The following PSMA3 variants were observed in gnomAD, a reference collection of about 807,000 sequenced individuals.
The protein encoded by PSMA3 is proteasome subunit alpha type-3.
PSMA3 carries 8 observed loss-of-function variants against 40.0 expected under a neutral mutation model. That is an observed-to-expected ratio of 0.20 (90% CI 0.12 to 0.36). The LOEUF (loss-of-function observed/expected upper bound fraction) is 0.36, where lower values mean the gene tolerates loss of function less well. PSMA3 is among the 10% of genes least tolerant of loss of function. PSMA3 has a pLI of 1.00. For missense variants in PSMA3, 219 were observed against 310.6 expected, an observed-to-expected ratio of 0.70 and a Z score of 2.22; for synonymous variants, 110 against 100.0, an observed-to-expected ratio of 1.10 and a Z score of -0.59.
chr14:58,264,205 C>G (rs1890367516), intron 7 of PSMA3, among the ~76,000 whole-genome samples: 1 of 152,138 alleles, frequency 6.6e-6, no homozygotes, highest in South Asian at 2.1e-4. Flanking sequence ...ATTTATGAAT[C>G]TCTGTGAGCT....
chr14:58,271,152 T>C (rs1258958973), intron 10 of PSMA3, among the ~76,000 whole-genome samples, 154 bp downstream of exon 10: 1 of 151,262 alleles, frequency 6.6e-6, no homozygotes, highest in Non-Finnish European at 1.5e-5. Flanking sequence ...TTGAATAATA[T>C]AAATAGACTG....
chr14:58,249,191 C>G (rs1371050324), intron 2 of PSMA3, among the ~76,000 whole-genome samples: 1 of 152,040 alleles, frequency 6.6e-6, no homozygotes, highest in African/African-American at 2.4e-5. Context: ...AACTCCTGAC[C>G]TCAGGTGATC....
chr14:58,247,344 A>G (rs759510641), intron 1 of PSMA3, among the ~76,000 whole-genome samples: 2 of 152,244 alleles, frequency 1.3e-5, no homozygotes, highest in African/African-American at 2.4e-5. Context: ...GTATAGTAAC[A>G]TAATAGATAC....
chr14:58,249,924 A>T lies in PSMA3; in HGVS notation c.104+2092A>T, dbSNP rs1350040746. 2.0e-5 allele frequency among the ~76,000 whole-genome samples: 3 copies of T among 152,308 alleles called. No homozygotes were observed. The East Asian group carries it at 5.8e-4, about 29-fold the overall frequency. ...GTGTGGAAGATGTTGAGTTGAGATA[A>T]TTAAGACAGGCTTCCTGCTGGGCGT... is the stretch of plus-strand genomic sequence containing the variant. On this transcript the variant is annotated intron_variant, in intron 2 of 10. Coordinates refer to ENST00000216455, the MANE Select transcript of PSMA3 (RefSeq NM_002788.4).
chr14:58,268,359 T>C (rs897435317), intron 8 of PSMA3, among the ~76,000 whole-genome samples: 2 of 152,196 alleles, frequency 1.3e-5, no homozygotes, highest in Non-Finnish European at 2.9e-5. Context: ...AGGTTTTACA[T>C]CTAACAATAC....
intron 3 of PSMA3, among the ~76,000 whole-genome samples, chr14:58,255,356 T>A (rs1890119198): frequency 6.6e-6 from 1 of 152,216 alleles, no homozygotes; most frequent in Non-Finnish European, 1.5e-5. Context: ...TACTTACTTT[T>A]TTTCACAGCA....
At chr14:58,246,286 T>C (rs1397710262) in intron 1 of PSMA3, among the ~76,000 whole-genome samples, 1 of 152,236 alleles carries the variant, frequency 6.6e-6, no homozygotes, top group Non-Finnish European at 1.5e-5. Context: ...CTTGCCATTT[T>C]GCATCTACTA....
intron 7 of PSMA3, chr14:58,264,789 A>AT (rs1185678879): frequency 1.3e-5 from 2 of 152,236 alleles, no homozygotes; most frequent in Non-Finnish European, 2.9e-5. Flanking sequence ...TCAACTGCAG[A>AT]TTAAACACAC....
intron 6 of PSMA3, 121 bp downstream of exon 6, chr14:58,261,141 CT>C (rs750255185): frequency 0.2 from 94,780 of 479,210 alleles, 2 homozygotes; most frequent in East Asian, 0.26. Context: ...AGTAATTTTT[CT>C]TTTTTTTTTT....
chr14:58,256,606 A>G (rs923703285), intron 3 of PSMA3, among the ~76,000 whole-genome samples: 148 of 150,528 alleles, frequency 9.8e-4, no homozygotes, highest in African/African-American at 3.3e-3. Context: ...TAGAGACGGC[A>G]TTTCACCATC....
At chr14:58,259,287 A>T (rs1001555352) in intron 5 of PSMA3, among the ~76,000 whole-genome samples, 1 of 152,048 alleles carries the variant, frequency 6.6e-6, no homozygotes, top group African/African-American at 2.4e-5. Flanking sequence ...AATAGTAGAG[A>T]TAACTTTTTT....
chr14:58,271,823 A>T (rs747161846), intron 10 of PSMA3, 28 bp from the exon 11 acceptor site: 2 of 1,564,958 alleles, frequency 1.3e-6, no homozygotes, highest in South Asian at 2.2e-5. Flanking sequence ...TTAAAAATCA[A>T]TTTTAAACAC....
chr14:58,261,128 GA>G lies in PSMA3; in HGVS notation c.477+111del, dbSNP rs1449473368. The G allele has an allele frequency of 2.5e-5, 18 of 732,862 alleles. No homozygotes were observed. The African/African-American group carries it at 3.2e-4, about 13-fold the overall frequency. 45.4% of individuals were successfully genotyped at this position (732,862 alleles called of 1,614,324 possible). Reference sequence around the variant, plus strand: ...GAAATTAAAAAAAAACTCATTCAAGGAAAGTAATTTTTCTTTTTTTTTTTTT... The same window carrying G: ...GAAATTAAAAAAAAACTCATTCAAGGAAGTAATTTTTCTTTTTTTTTTTTT... On this transcript the variant is annotated intron_variant, in intron 6 of 10. Coordinates refer to ENST00000216455, the MANE Select transcript of PSMA3 (RefSeq NM_002788.4).
chr14:58,255,470 T>C (rs1890122198), intron 3 of PSMA3, among the ~76,000 whole-genome samples: 1 of 152,140 alleles, frequency 6.6e-6, no homozygotes, highest in Admixed American at 6.5e-5. Flanking sequence ...TCTCCAAACT[T>C]AGAATGTGCC....
intron 3 of PSMA3, among the ~76,000 whole-genome samples, chr14:58,255,912 GT>G (rs1192166040): frequency 2.0e-5 from 3 of 152,220 alleles, no homozygotes; most frequent in Non-Finnish European, 4.4e-5. Context: ...AGGCTGGAGT[GT>G]AGTGGCGTGA....
rs1403954498 is a variant in PSMA3 at position 58,267,498 on chromosome 14, A to G, written c.568A>G (p.Ile190Val). 2.0e-5 allele frequency: 32 copies of G among 1,572,736 alleles called. No individual in the cohort carries two copies. In the East Asian group the frequency reaches 3.9e-4, roughly 19 times the overall value. Residue 190 changes from isoleucine to valine, a missense_variant, in exon 8 of 11, where the codon ATC becomes GTC. Coordinates refer to ENST00000216455, the MANE Select transcript of PSMA3 (RefSeq NM_002788.4). The stretch of plus-strand genomic sequence containing the variant: ...GATGAAAGAAATGACCTGCCGTGAT[A>G]TCGTTAAAGAAGTTGCAAAAATGTA... ...LQMKEMTCRD[I>V]VKEVAKIIYI...
chr14:58,252,823 A>AAG (rs1418976472), intron 3 of PSMA3, among the ~76,000 whole-genome samples: 2 of 150,356 alleles, frequency 1.3e-5, no homozygotes, highest in African/African-American at 4.9e-5. Context: ...TACTGAAAGA[A>AAG]AAAAAAAAAA....
chr14:58,268,116 C>T (rs1206632700), intron 8 of PSMA3: 1 of 151,980 alleles, frequency 6.6e-6, no homozygotes, highest in Non-Finnish European at 1.5e-5. Flanking sequence ...GGACAGTAAA[C>T]AATAAAAAAG....
intron 3 of PSMA3, among the ~76,000 whole-genome samples, chr14:58,255,838 T>C (rs945013355): frequency 2.6e-5 from 4 of 152,246 alleles, no homozygotes; most frequent in Admixed American, 2.6e-4. Flanking sequence ...GGCACATACA[T>C]AGTAACTGCA....
Sources: gnomAD v4.1 joint callset for allele counts (sites outside exome capture counted in the v4.1 genomes callset) on GRCh38, gnomAD v4.1.1 for gene constraint, MANE v1.5 for transcripts, NCBI Gene and HGNC (gene_info 2026-07-23, HGNC 2026-07-21) for gene names.